DUOXA1: variants seen among roughly 807,000 people sequenced by gnomAD.
DUOXA1 encodes the protein dual oxidase activator 1.
Under a neutral mutation model 26.6 loss-of-function variants are expected in DUOXA1, and 19 were observed. That is an observed-to-expected ratio of 0.71 (90% CI 0.50 to 1.05). The LOEUF is 1.05. DUOXA1 is among the 50% of genes least tolerant of loss of function. DUOXA1 has a pLI of 0.00. For missense variants in DUOXA1, 403 were observed against 427.5 expected, an observed-to-expected ratio of 0.94 and a Z score of 0.51; for synonymous variants, 166 against 177.0, an observed-to-expected ratio of 0.94 and a Z score of 0.49.
Position 45,120,605 on chromosome 15 carries a change from A to C in DUOXA1, c.541T>G (p.Ser181Ala). ...RQYRLAGHYT[S>A]AMLWVAFLCW... ...TCCCATCCTCACCATAGCATGGCTGAGGTGTAGTGTCCCGCCAGGCGGTAC... is the reference window on the plus strand; with the variant it reads ...TCCCATCCTCACCATAGCATGGCTGCGGTGTAGTGTCCCGCCAGGCGGTAC... Residue 181 changes from serine to alanine, a missense_variant, in exon 7 of 9, where the codon TCA (serine) becomes GCA (alanine). By Grantham distance (99) the Ser-to-Ala change is moderately conservative. Coordinates refer to ENST00000560572, the MANE Select transcript of DUOXA1 (RefSeq NM_001276266.2). 2 of 1,613,998 alleles carry C rather than the reference A, an allele frequency of 1.2e-6. No homozygotes were observed. Among genetic ancestry groups the C allele is most frequent in the Middle Eastern group, 3.3e-4 (2 of 6,062 alleles).
At chr15:45,128,473 T>C (rs1383493776) in intron 3 of DUOXA1, among the ~76,000 whole-genome samples, 1 of 152,234 alleles carries the variant, frequency 6.6e-6, no homozygotes, top group Non-Finnish European at 1.5e-5. Flanking sequence ...TTTTCTCTGA[T>C]TGGGGTAGAC....
chr15:45,118,784 T>G lies in DUOXA1; in HGVS notation c.*322A>C, dbSNP rs111905876. ...CCTGCTGGTGTTATGGGGGTGAAGTTAGGTTTCAGTGAATAGCATCTTGAA... is the reference window on the plus strand; with the variant it reads ...CCTGCTGGTGTTATGGGGGTGAAGTGAGGTTTCAGTGAATAGCATCTTGAA... On this transcript the variant is annotated 3_prime_UTR_variant, in exon 9 of 9. Transcript: ENST00000560572. 809 of 1,062,392 alleles carry G rather than the reference T, an allele frequency of 7.6e-4. 6 individuals are homozygous for G. In the African/African-American group the frequency reaches 0.013, roughly 17 times the overall value. The allele number at this position is 1,062,392 out of a possible 1,614,324, so 65.8% of individuals were successfully genotyped here.
chr15:45,122,044 G>A, intron 5 of DUOXA1, 141 bp downstream of exon 5: 3 of 847,650 alleles, frequency 3.5e-6, no homozygotes, highest in Admixed American at 4.1e-5. Flanking sequence ...GCCATGGTGA[G>A]AGAAGCATAT....
At chr15:45,123,290 C>T (rs1290919844) in intron 3 of DUOXA1, among the ~76,000 whole-genome samples, 1 of 152,138 alleles carries the variant, frequency 6.6e-6, no homozygotes, top group Admixed American at 6.5e-5. Context: ...CTCTCTTAAC[C>T]TCCAGGTTCC....
At position 45,118,335 on chromosome 15, in the gene DUOXA1, C is replaced by A; in HGVS notation, c.*771G>T. On this transcript the variant is annotated 3_prime_UTR_variant, in exon 9 of 9. Coordinates refer to ENST00000560572, the MANE Select transcript of DUOXA1 (RefSeq NM_001276266.2). ...GGGACGTTAGGTGGCAGTGATGAGG[C>A]AGGTCACCCACTCCCCCGTCCTGGA... 8.4e-7 allele frequency: 1 copy of A among 1,197,232 alleles called. No homozygotes were observed. Among genetic ancestry groups the A allele is most frequent in the East Asian group, 3.9e-5 (1 of 25,414 alleles). 74.2% of individuals were successfully genotyped at this position (1,197,232 alleles called of 1,614,324 possible).
rs1896031138 is a variant in DUOXA1 at position 45,129,873 on chromosome 15, G to A, written c.-324C>T. The stretch of plus-strand genomic sequence containing the variant: ...TCACCTCGCGCGCTGCCGTCCGCTG[G>A]AAGCACCTCCGCGCCTCCCCAGGCG... On this transcript the variant is annotated 5_prime_UTR_variant, in exon 1 of 9. Transcript: ENST00000560572. The surrounding 1 kb of genome is among the most constrained non-coding windows in gnomAD (Gnocchi z 4.1). The A allele has an allele frequency of 6.6e-6, 1 of 152,242 alleles. No individual in the cohort carries two copies. Among genetic ancestry groups the A allele is most frequent in the African/African-American group, 2.4e-5 (1 of 41,422 alleles). 9.4% of individuals were successfully genotyped at this position (152,242 alleles called of 1,614,324 possible).
In DUOXA1 at chr15:45,129,493, G is replaced by A. The variant is rs1228565177; in HGVS notation, c.-180C>T. 2 of 153,392 alleles carry A rather than the reference G, an allele frequency of 1.3e-5. No homozygotes were observed. Among genetic ancestry groups the A allele is most frequent in the Non-Finnish European group, 2.9e-5 (2 of 68,714 alleles). 9.5% of individuals were successfully genotyped at this position (153,392 alleles called of 1,614,324 possible). On this transcript the variant is annotated 5_prime_UTR_variant, in exon 2 of 9. Coordinates refer to ENST00000560572, the MANE Select transcript of DUOXA1 (RefSeq NM_001276266.2). This position sits in a 1 kb window ranked among gnomAD's most constrained non-coding sequence, Gnocchi z 4.1. ...GCAGTTCCGGGTCTGGCGGGGCGCG[G>A]GCGCGGCTCGCAGGGCGGTGGGACC...
chr15:45,117,825 A>T lies in DUOXA1; in HGVS notation c.*1281T>A, dbSNP rs1388550809. 1 of 1,613,840 alleles carries T rather than the reference A, an allele frequency of 6.2e-7. No individual in the cohort carries two copies. The highest frequency in any genetic ancestry group is 1.1e-5 in the South Asian group (1 of 91,088). Reference sequence around the variant, plus strand: ...GCGCCAAGGACTGCAGCCAGGAGAGAGGGGGCTCACCTCTTATCCTCGGCG... The same window carrying T: ...GCGCCAAGGACTGCAGCCAGGAGAGTGGGGGCTCACCTCTTATCCTCGGCG... On this transcript the variant is annotated 3_prime_UTR_variant, in exon 9 of 9. Transcript: ENST00000560572.
chr15:45,121,062 A>AC (rs746742954), intron 6 of DUOXA1, 25 bp downstream of exon 6: 1 of 1,613,292 alleles, frequency 6.2e-7, no homozygotes, highest in African/African-American at 1.3e-5. Flanking sequence ...CTTCCCCCCC[A>AC]CCACAGGTAA....
In DUOXA1 at chr15:45,119,120, C is replaced by G; in HGVS notation, c.1018G>C (p.Asp340His). 1.3e-6 allele frequency: 2 copies of G among 1,590,148 alleles called. No homozygotes were observed. The highest frequency in any genetic ancestry group is 1.7e-6 in the Non-Finnish European group (2 of 1,161,556). The change falls in exon 9 of 9, where the codon GAT becomes CAT. Residue 340 changes from aspartate (D) to histidine (H), a missense_variant. By Grantham distance (81) the Asp-to-His change is moderately conservative (BLOSUM62 -1). Coordinates refer to ENST00000560572, the MANE Select transcript of DUOXA1 (RefSeq NM_001276266.2). ...GGGGAGGAATGTTATAAAGCACAAT[C>G]AGGATCTTTGGGGTGTGCCTCCTTA... ...YCKEAHPKDPDCAL is the reference protein window; with the variant it reads ...YCKEAHPKDPHCAL
intron 5 of DUOXA1, 46 bp from the exon 6 acceptor site, chr15:45,121,267 C>T (rs377248747): frequency 3.9e-5 from 63 of 1,613,312 alleles, no homozygotes; most frequent in Non-Finnish European, 5.0e-5. Flanking sequence ...GATGACTGGG[C>T]ATTACTAGGT....
chr15:45,127,039 T>G (rs1895734262), intron 3 of DUOXA1, among the ~76,000 whole-genome samples: 1 of 152,216 alleles, frequency 6.6e-6, no homozygotes, highest in Non-Finnish European at 1.5e-5. Flanking sequence ...TATGTGATAG[T>G]GGTATTTATT....
At chr15:45,122,746 T>G (rs112736714) in intron 4 of DUOXA1, 122 bp downstream of exon 4, 71,206 of 1,244,398 alleles carry the variant, frequency 0.057, 2,430 homozygotes, top group Non-Finnish European at 0.068. Context: ...CCTGGGGTCG[T>G]GGCTATCTTT....
chr15:45,117,751 AGTC>A lies in DUOXA1; in HGVS notation c.*1352_*1354del, dbSNP rs1894756382. The stretch of plus-strand genomic sequence containing the variant: ...CCTCTTCCTCGGAGGGGCCGTGGTG[AGTC>A]TCCAGTATGTTCGGCCCAGCGCTCT... On this transcript the variant is annotated 3_prime_UTR_variant, in exon 9 of 9. Transcript: ENST00000560572. 1 of 1,612,820 alleles carries A rather than the reference AGTC, an allele frequency of 6.2e-7. No homozygotes were observed. Among genetic ancestry groups the A allele is most frequent in the South Asian group, 1.1e-5 (1 of 91,054 alleles).
rs962877095 is a variant in DUOXA1, at chr15:45,129,146, C to T, written c.-146-12G>A. On this transcript the variant is annotated splice_polypyrimidine_tract_variant and intron_variant, in intron 2 of 8. Transcript: ENST00000560572. This position sits in a 1 kb window ranked among gnomAD's most constrained non-coding sequence, Gnocchi z 4.1. ...CAGGTCCCGACGTTCTGTGAACAAA[C>T]GCGCGCCCTTACTCTCAGTGGGGCT... 1 of 152,250 alleles carries T rather than the reference C, an allele frequency of 6.6e-6. No individual in the cohort carries two copies. Among genetic ancestry groups the T allele is most frequent in the Non-Finnish European group, 1.5e-5 (1 of 68,032 alleles). The allele number at this position is 152,250 out of a possible 1,614,324, so 9.4% of individuals were successfully genotyped here.
chr15:45,126,775 C>T (rs1033467544), intron 3 of DUOXA1, among the ~76,000 whole-genome samples: 3 of 152,210 alleles, frequency 2.0e-5, no homozygotes, highest in African/African-American at 7.2e-5. Context: ...CCTTATTGCC[C>T]TGTGCTAATA....
intron 3 of DUOXA1, among the ~76,000 whole-genome samples, chr15:45,127,572 T>C (rs2141226537): frequency 6.6e-6 from 1 of 152,352 alleles, no homozygotes; most frequent in African/African-American, 2.4e-5. Flanking sequence ...TTAAAGTTAA[T>C]TTTTCATGAC....
intron 3 of DUOXA1, chr15:45,128,711 A>C (rs1346772698): frequency 6.6e-6 from 1 of 152,218 alleles, no homozygotes; most frequent in African/African-American, 2.4e-5. Flanking sequence ...TAAGGAATTC[A>C]AGGGTGCAGA....
chr15:45,125,818 A>T lies in DUOXA1; in HGVS notation c.-29-2775T>A, dbSNP rs1895636273. Among the ~76,000 whole-genome samples, 3 of 152,130 alleles carry T rather than the reference A, an allele frequency of 2.0e-5. No individual in the cohort carries two copies. In the South Asian group the frequency reaches 6.2e-4, roughly 32 times the overall value. On this transcript the variant is annotated intron_variant, in intron 3 of 8. Coordinates refer to ENST00000560572, the MANE Select transcript of DUOXA1 (RefSeq NM_001276266.2). The stretch of plus-strand genomic sequence containing the variant: ...GTGGTGGCTCTCTTCTTTTAGCAGT[A>T]TTCCAGATTCCCTGGGCAATCTCAT...
Sources: gnomAD v4.1 joint callset for allele counts (sites outside exome capture counted in the v4.1 genomes callset) on GRCh38, gnomAD v4.1.1 for gene constraint, Gnocchi (gnomAD v3.1) non-coding constraint, MANE v1.5 for transcripts, NCBI Gene and HGNC (gene_info 2026-07-23, HGNC 2026-07-21) for gene names.